The following UBTD2 variants were observed in gnomAD, a reference collection of about 807,000 sequenced individuals.
UBTD2 encodes the protein ubiquitin domain-containing protein 2.
UBTD2 carries 9 observed loss-of-function variants against 19.8 expected under a neutral mutation model. The ratio of observed to expected loss-of-function variants is 0.46; its 90% confidence interval spans 0.27 to 0.79. The LOEUF (loss-of-function observed/expected upper bound fraction) is 0.79. Among genes scored for constraint, UBTD2 ranks in the 30% least tolerant of loss-of-function variants. The pLI is 0.14. For synonymous variants in UBTD2, 98 were observed against 103.9 expected (o/e 0.94, Z 0.35); for missense variants, 250 against 300.4 (o/e 0.83, Z 1.24).
intron 1 of UBTD2, among the ~76,000 whole-genome samples, chr5:172,273,154 A>G (rs1216759756): frequency 6.6e-6 from 1 of 152,160 alleles, no homozygotes; most frequent in Non-Finnish European, 1.5e-5. Flanking sequence ...GGCTATCAAA[A>G]GTTAGAAGAG....
At chr5:172,263,034 G>T in intron 1 of UBTD2, among the ~76,000 whole-genome samples, 1 of 151,894 alleles carries the variant, frequency 6.6e-6, no homozygotes, top group South Asian at 2.1e-4. Flanking sequence ...ACGACCTCCG[G>T]GCGAGCGATC....
At chr5:172,232,834 T>A (rs939794251) in intron 2 of UBTD2, among the ~76,000 whole-genome samples, 20 of 151,812 alleles carry the variant, frequency 1.3e-4, no homozygotes, top group African/African-American at 4.6e-4. Flanking sequence ...CAATGAGCTG[T>A]CATCGTGCCA....
intron 1 of UBTD2, among the ~76,000 whole-genome samples, chr5:172,266,777 C>T (rs536757751): frequency 2.0e-4 from 31 of 152,292 alleles, no homozygotes; most frequent in African/African-American, 7.5e-4. Context: ...TAGCTCATGC[C>T]TGTGATCCCA....
At chr5:172,237,484 T>G (rs1772036583) in intron 1 of UBTD2, among the ~76,000 whole-genome samples, 1 of 152,228 alleles carries the variant, frequency 6.6e-6, no homozygotes, top group Admixed American at 6.5e-5. Context: ...TTTCTGCCTG[T>G]ATTATAAACA....
intron 1 of UBTD2, among the ~76,000 whole-genome samples, chr5:172,259,874 C>T (rs113088506): frequency 0.074 from 11,217 of 151,846 alleles, 448 homozygotes; most frequent in South Asian, 0.12. Flanking sequence ...GCCAACACAG[C>T]GAAACCAGTC....
chr5:172,211,978 C>G lies in UBTD2; in HGVS notation c.557G>C (p.Gly186Ala). The G allele has an allele frequency of 1.9e-6, 3 of 1,614,222 alleles. No individual in the cohort carries two copies. Among genetic ancestry groups the G allele is most frequent in the Non-Finnish European group, 2.5e-6 (3 of 1,180,044 alleles). The part of the protein sequence containing the change: ...HMKRRLHAAE[G>A]VEPGSQRWFF... ...CCACCGCTGACTACCTGGTTCCACT[C>G]CCTCTGCTGCATGCAACCGTCTCTT... The change falls in exon 3 of 3, where the codon GGA (glycine) becomes GCA (alanine). Residue 186 changes from glycine to alanine, a missense_variant. Coordinates refer to ENST00000393792, the MANE Select transcript of UBTD2 (RefSeq NM_152277.3).
intron 1 of UBTD2, among the ~76,000 whole-genome samples, chr5:172,276,428 C>G (rs1254724660): frequency 6.6e-6 from 1 of 152,172 alleles, no homozygotes; most frequent in African/African-American, 2.4e-5. Flanking sequence ...ACGATTACCC[C>G]ATGCATGTAT....
chr5:172,225,942 T>C (rs1771754572), intron 2 of UBTD2, among the ~76,000 whole-genome samples: 1 of 119,706 alleles, frequency 8.4e-6, no homozygotes, highest in Admixed American at 8.7e-5. Flanking sequence ...TCTTTTTTTT[T>C]TTTTTTTTTT....
chr5:172,216,250 C>A (rs147074994), intron 2 of UBTD2, among the ~76,000 whole-genome samples: 1,753 of 151,906 alleles, frequency 0.012, 18 homozygotes, highest in Non-Finnish European at 0.018. Context: ...AACCCCACCA[C>A]AAAACAGAGT....
chr5:172,264,561 T>TAAAAAAAAA (rs61132221), intron 1 of UBTD2, among the ~76,000 whole-genome samples: 1 of 107,990 alleles, frequency 9.3e-6, no homozygotes, highest in African/African-American at 3.4e-5. Flanking sequence ...ATTAAAAAAT[T>TAAAAAAAAA]AAAAAAAAAA....
chr5:172,248,501 T>C lies in UBTD2; in HGVS notation c.71-14143A>G, dbSNP rs368523754. Among the ~76,000 whole-genome samples the C allele has an allele frequency of 2.9e-3, 440 of 152,052 alleles. 1 individual carries two copies. Among genetic ancestry groups the C allele is most frequent in the African/African-American group, 9.8e-3 (405 of 41,476 alleles). ...TACTCGGGAGGCTGAGGCAGAAGAA[T>C]TGCTTGAACCCAGGAGGCGAAGGTT... On this transcript the variant is annotated intron_variant, in intron 1 of 2. Coordinates refer to ENST00000393792, the MANE Select transcript of UBTD2 (RefSeq NM_152277.3).
intron 1 of UBTD2, among the ~76,000 whole-genome samples, chr5:172,264,562 A>T (rs1335998110): frequency 1.6e-5 from 1 of 63,362 alleles, no homozygotes; most frequent in Non-Finnish European, 3.0e-5. Context: ...TTAAAAAATT[A>T]AAAAAAAAAA....
chr5:172,250,917 G>C (rs1160223424), intron 1 of UBTD2, among the ~76,000 whole-genome samples: 1 of 101,030 alleles, frequency 9.9e-6, no homozygotes, highest in African/African-American at 4.0e-5. Flanking sequence ...CTGGGTGACA[G>C]AGCGAGACCC....
chr5:172,271,390 C>CT (rs1755487426), intron 1 of UBTD2, among the ~76,000 whole-genome samples: 1 of 149,334 alleles, frequency 6.7e-6, no homozygotes, highest in African/African-American at 2.5e-5. Context: ...GATCGCACCA[C>CT]TGCACTCCAG....
intron 2 of UBTD2, among the ~76,000 whole-genome samples, chr5:172,229,418 G>A (rs1045368219): frequency 2.0e-5 from 3 of 149,590 alleles, no homozygotes; most frequent in African/African-American, 4.9e-5. Context: ...GGAGAATGGC[G>A]TGAACCCGGG....
At chr5:172,228,886 T>C (rs1375525962) in intron 2 of UBTD2, among the ~76,000 whole-genome samples, 1 of 152,096 alleles carries the variant, frequency 6.6e-6, no homozygotes. Flanking sequence ...TTAAATTTTA[T>C]TATACATAAT....
intron 2 of UBTD2, among the ~76,000 whole-genome samples, chr5:172,218,785 A>T (rs10065374): frequency 0.019 from 1,301 of 67,086 alleles, 22 homozygotes; most frequent in African/African-American, 0.076. Context: ...CAAAAAAAAA[A>T]AAAATAAAAA....
intron 1 of UBTD2, among the ~76,000 whole-genome samples, chr5:172,246,190 A>C (rs10059170): frequency 0.32 from 49,081 of 152,052 alleles, 8,012 homozygotes; most frequent in South Asian, 0.42. Context: ...AGAAACTGAA[A>C]TGCTAATCAA....
intron 1 of UBTD2, among the ~76,000 whole-genome samples, chr5:172,263,127 C>T (rs1025185796): frequency 2.6e-5 from 4 of 151,958 alleles, no homozygotes; most frequent in East Asian, 1.9e-4. Context: ...GACAGGGTTT[C>T]GCCATGTTGC....
Sources: gnomAD v4.1 joint callset for allele counts (sites outside exome capture counted in the v4.1 genomes callset) on GRCh38, gnomAD v4.1.1 for gene constraint, MANE v1.5 for transcripts, NCBI Gene and HGNC (gene_info 2026-07-23, HGNC 2026-07-21) for gene names.